Variants in VAPA observed in about 807,000 individuals in gnomAD.
VAPA encodes VAMP associated protein A, also known as vesicle-associated membrane protein-associated protein A.
VAPA carries 6 observed loss-of-function variants against 25.6 expected under a neutral mutation model. The observed-to-expected ratio is 0.23, with a 90% CI of 0.13 to 0.46. VAPA has a LOEUF of 0.46. Among genes scored for constraint, VAPA ranks in the 20% least tolerant of loss-of-function variants. The pLI is 0.99. For missense variants in VAPA, 244 were observed against 302.1 expected (o/e 0.81, Z 1.43); for synonymous variants, 112 against 106.2 (o/e 1.05, Z -0.34).
chr18:9,924,948 A>G (rs979583441), intron 1 of VAPA: 4 of 152,024 alleles, frequency 2.6e-5, no homozygotes, highest in Non-Finnish European at 4.4e-5. Context: ...CCCTTGCCCC[A>G]GAAGGCTGCC....
rs1161745511 is a variant in VAPA at position 9,914,053 on chromosome 18, G to A, written c.-204G>A. On this transcript the variant is annotated 5_prime_UTR_variant, in exon 1 of 6. Transcript: ENST00000400000. ...TGCGCGTGGCCGTGGCGGCTGGTGT[G>A]GGGTTGAGTCAGTTGTGGGACCCGG... 2.0e-6 allele frequency: 1 copy of A among 502,228 alleles called. No homozygotes were observed. The highest frequency in any genetic ancestry group is 3.5e-6 in the Non-Finnish European group (1 of 285,104). The allele number at this position is 502,228 out of a possible 1,614,324, so 31.1% of individuals were successfully genotyped here. A position where few individuals can be genotyped will look rare whatever the true frequency, so the allele number is the denominator to read the frequency against.
chr18:9,948,877 A>G (rs1042971512), intron 4 of VAPA: 7 of 152,110 alleles, frequency 4.6e-5, no homozygotes, highest in Admixed American at 6.6e-5. Flanking sequence ...ATCCTCTTTA[A>G]GTTTTTATCA....
chr18:9,915,503 C>T (rs1020878634), intron 1 of VAPA, among the ~76,000 whole-genome samples: 1 of 151,914 alleles, frequency 6.6e-6, no homozygotes, highest in South Asian at 2.1e-4. Context: ...AAAGTAGGTT[C>T]CTTCCTATCT....
At chr18:9,932,506 A>G (rs3025593) in intron 2 of VAPA, among the ~76,000 whole-genome samples, 1 of 152,212 alleles carries the variant, frequency 6.6e-6, no homozygotes, top group Non-Finnish European at 1.5e-5. Context: ...TGCTTGCCAT[A>G]TATGGATTAC....
Position 9,914,217 on chromosome 18 carries a change from C to A in VAPA, c.-40C>A. 1 of 1,549,130 alleles carries A rather than the reference C, an allele frequency of 6.5e-7. No individual in the cohort carries two copies. ...CGTCCCCCGCCCCCAGTCAGCAAAC[C>A]GCCGCCGCGGGCGCGCCCCCGCTCT... On this transcript the variant is annotated 5_prime_UTR_variant, in exon 1 of 6. Coordinates refer to ENST00000400000, the MANE Select transcript of VAPA (RefSeq NM_194434.3).
rs869151923 is a variant in VAPA at position 9,959,721 on chromosome 18, CAAAAAAAAAAAAAAAAA to C, written c.*5520_*5536del. On this transcript the variant is annotated 3_prime_UTR_variant, in exon 6 of 6. Coordinates refer to ENST00000400000, the MANE Select transcript of VAPA (RefSeq NM_194434.3). The stretch of plus-strand genomic sequence containing the variant: ...AGAGAGTGAGTTACTGACATTGTTC[CAAAAAAAAAAAAAAAAA>C]AAAAAAAAATGTGGAGGGTTGAAAT... 1 of 93,460 alleles carries C rather than the reference CAAAAAAAAAAAAAAAAA, an allele frequency of 1.1e-5. No homozygotes were observed. The highest frequency in any genetic ancestry group is 1.2e-4 in the Admixed American group (1 of 8,656). The allele number at this position is 93,460 out of a possible 1,614,324, so 5.8% of individuals were successfully genotyped here. A position where few individuals can be genotyped will look rare whatever the true frequency, so the allele number is the denominator to read the frequency against.
intron 1 of VAPA, among the ~76,000 whole-genome samples, chr18:9,918,243 A>G (rs183807215): frequency 1.3e-5 from 2 of 152,324 alleles, no homozygotes; most frequent in East Asian, 1.9e-4. Flanking sequence ...TAACATATAA[A>G]TACACCAGAG....
chr18:9,935,362 A>G (rs1026614336), intron 2 of VAPA, among the ~76,000 whole-genome samples: 5 of 152,194 alleles, frequency 3.3e-5, no homozygotes, highest in Admixed American at 6.5e-5. Flanking sequence ...TCTTGAGCCC[A>G]GGAATTCTAT....
At chr18:9,926,147 A>G (rs1385719410) in intron 1 of VAPA, among the ~76,000 whole-genome samples, 1 of 152,184 alleles carries the variant, frequency 6.6e-6, no homozygotes, top group African/African-American at 2.4e-5. Flanking sequence ...TGAGTGCCCA[A>G]TAAACGCTAG....
intron 1 of VAPA, among the ~76,000 whole-genome samples, chr18:9,926,081 T>C (rs527901405): frequency 1.3e-5 from 2 of 152,280 alleles, no homozygotes; most frequent in East Asian, 3.9e-4. Context: ...TGAAAGTATC[T>C]ACTTCATGGA....
chr18:9,923,464 T>C (rs1012738482), intron 1 of VAPA, among the ~76,000 whole-genome samples: 21 of 152,280 alleles, frequency 1.4e-4, no homozygotes, highest in African/African-American at 5.1e-4. Context: ...TTGACAAATT[T>C]CTCATGGGCC....
At chr18:9,945,320 T>G (rs1215940124) in intron 4 of VAPA, among the ~76,000 whole-genome samples, 1 of 151,662 alleles carries the variant, frequency 6.6e-6, no homozygotes, top group African/African-American at 2.4e-5. Flanking sequence ...GTTGCTGTAA[T>G]TTTTTTCTTT....
At position 9,957,895 on chromosome 18, in the gene VAPA, C is replaced by T. The variant is rs1422898798; in HGVS notation, c.*3684C>T. On this transcript the variant is annotated 3_prime_UTR_variant, in exon 6 of 6. Transcript: ENST00000400000. ...ATTTTCATGCCACGTTTCATAGCCC[C>T]ACTTTTGGTAGACTACCACCACGCT... 1 of 152,202 alleles carries T rather than the reference C, an allele frequency of 6.6e-6. No homozygotes were observed. Among genetic ancestry groups the T allele is most frequent in the Non-Finnish European group, 1.5e-5 (1 of 68,028 alleles). The allele number at this position is 152,202 out of a possible 1,614,324, so 9.4% of individuals were successfully genotyped here. A position where few individuals can be genotyped will look rare whatever the true frequency, so the allele number is the denominator to read the frequency against.
In VAPA at chr18:9,914,031, G is replaced by T; in HGVS notation, c.-226G>T. On this transcript the variant is annotated 5_prime_UTR_variant, in exon 1 of 6. Coordinates refer to ENST00000400000, the MANE Select transcript of VAPA (RefSeq NM_194434.3). ...GTGGGTCGCCGAGGCTCGCAAGTGC[G>T]CGTGGCCGTGGCGGCTGGTGTGGGG... 2.1e-6 allele frequency: 1 copy of T among 465,682 alleles called. No individual in the cohort carries two copies. 28.8% of individuals were successfully genotyped at this position (465,682 alleles called of 1,614,324 possible).
chr18:9,937,115 C>G (rs754027545), intron 4 of VAPA, 49 bp downstream of exon 4: 16 of 1,485,064 alleles, frequency 1.1e-5, no homozygotes, highest in Non-Finnish European at 1.5e-5. Flanking sequence ...GCTCTCAGTT[C>G]CTTTGATTAA....
chr18:9,954,647 T>G lies in VAPA; in HGVS notation c.*436T>G, dbSNP rs1406864121. 6.4e-6 allele frequency: 1 copy of G among 155,284 alleles called. No individual in the cohort carries two copies. Among genetic ancestry groups the G allele is most frequent in the East Asian group, 1.9e-4 (1 of 5,268 alleles). 9.6% of individuals were successfully genotyped at this position (155,284 alleles called of 1,614,324 possible). On this transcript the variant is annotated 3_prime_UTR_variant, in exon 6 of 6. Transcript: ENST00000400000. Reference sequence around the variant, plus strand: ...TTCAGGAAATGCCAAGAGGTATTCCTTGGGGAAATGGTGCCTCTTACAGTG... The same window carrying G: ...TTCAGGAAATGCCAAGAGGTATTCCGTGGGGAAATGGTGCCTCTTACAGTG...
In VAPA at chr18:9,955,569, AAAAG is replaced by A. The variant is rs1309856988; in HGVS notation, c.*1360_*1363del. The A allele has an allele frequency of 6.6e-6, 1 of 152,106 alleles. No individual in the cohort carries two copies. Among genetic ancestry groups the A allele is most frequent in the Non-Finnish European group, 1.5e-5 (1 of 68,006 alleles). 9.4% of individuals were successfully genotyped at this position (152,106 alleles called of 1,614,324 possible). ...ACATAGGTGTGTTGGCTCTTTTTTT[AAAAG>A]ATGCGCTCTACCTGAAAAGGAAATT... On this transcript the variant is annotated 3_prime_UTR_variant, in exon 6 of 6. Transcript: ENST00000400000.
intron 1 of VAPA, chr18:9,914,823 T>C (rs1429398122): frequency 6.6e-6 from 1 of 152,468 alleles, no homozygotes; most frequent in Non-Finnish European, 1.5e-5. Flanking sequence ...CTCCCGGCTG[T>C]CAGCGGCGCG....
Position 9,920,143 on chromosome 18 carries a change from G to A in VAPA, c.79+5808G>A, listed in dbSNP as rs182689998. ...TGTGAGAGAGATGGAGGAGGAGGACGTATGGTAGATATGTTTAGGTCTTTC... is the reference window on the plus strand; with the variant it reads ...TGTGAGAGAGATGGAGGAGGAGGACATATGGTAGATATGTTTAGGTCTTTC... On this transcript the variant is annotated intron_variant, in intron 1 of 5. Coordinates refer to ENST00000400000, the MANE Select transcript of VAPA (RefSeq NM_194434.3). Among the ~76,000 whole-genome samples the A allele has an allele frequency of 1.7e-3, 263 of 152,284 alleles. 1 individual carries two copies. The highest frequency in any genetic ancestry group is 2.7e-3 in the Non-Finnish European group (183 of 68,010).
Sources: allele counts gnomAD v4.1 joint callset (sites outside exome capture counted in the v4.1 genomes callset), GRCh38; gene constraint gnomAD v4.1.1; transcripts MANE v1.5; gene names NCBI Gene and HGNC (gene_info 2026-07-23, HGNC 2026-07-21).